FHIT: variants seen among roughly 807,000 people sequenced by gnomAD.
FHIT encodes the protein bis(5'-adenosyl)-triphosphatase.
A neutral mutation model predicts 17.9 loss-of-function variants in FHIT; 19 were observed. That is an observed-to-expected ratio of 1.06 (90% CI 0.74 to 1.56). FHIT has a LOEUF of 1.56. Among genes scored for constraint, FHIT ranks in the 40% most tolerant of loss-of-function variants. The pLI is 0.00. For synonymous variants in FHIT, 81 were observed against 69.7 expected (o/e 1.16, Z -0.81); for missense variants, 248 against 189.2 (o/e 1.31, Z -1.82).
At chr3:60,128,002 A>G (rs1382484622) in intron 5 of FHIT, among the ~76,000 whole-genome samples, 4 of 152,212 alleles carry the variant, frequency 2.6e-5, no homozygotes, top group Non-Finnish European at 5.9e-5. Flanking sequence ...TATTCAAGTA[A>G]TATTAAGATT....
At chr3:61,112,895 G>T (rs1457394001) in intron 2 of FHIT, among the ~76,000 whole-genome samples, 1 of 152,102 alleles carries the variant, frequency 6.6e-6, no homozygotes, top group African/African-American at 2.4e-5. Context: ...TGCCTCCAAG[G>T]CTTCTAGTTG....
chr3:59,944,411 G>C (rs1158277065), intron 7 of FHIT, among the ~76,000 whole-genome samples: 1 of 152,100 alleles, frequency 6.6e-6, no homozygotes, highest in Non-Finnish European at 1.5e-5. Flanking sequence ...TCCATTACAA[G>C]ACTGGCAACC....
chr3:59,924,857 C>T (rs959636526), intron 7 of FHIT, among the ~76,000 whole-genome samples: 8 of 152,148 alleles, frequency 5.3e-5, no homozygotes, highest in African/African-American at 1.9e-4. Flanking sequence ...CTAACAAGCT[C>T]CCAGCTGATG....
chr3:60,814,184 A>T (rs1553736894), intron 4 of FHIT, among the ~76,000 whole-genome samples: 3 of 151,958 alleles, frequency 2.0e-5, no homozygotes. Context: ...AAATTCATTC[A>T]TCTGTTTTTA....
At chr3:60,441,233 C>T (rs1001859111) in intron 5 of FHIT, among the ~76,000 whole-genome samples, 5 of 152,074 alleles carry the variant, frequency 3.3e-5, no homozygotes, top group African/African-American at 1.2e-4. Context: ...ATGAGCTATA[C>T]CTTTGCCCTC....
intron 8 of FHIT, among the ~76,000 whole-genome samples, chr3:59,784,679 T>C (rs1702757411): frequency 6.6e-6 from 1 of 152,168 alleles, no homozygotes; most frequent in Non-Finnish European, 1.5e-5. Flanking sequence ...CCTTGTGCTC[T>C]CTCCTAGAGA....
intron 1 of FHIT, among the ~76,000 whole-genome samples, chr3:61,250,671 T>A (rs2040600362): frequency 6.6e-6 from 1 of 150,892 alleles, no homozygotes; most frequent in Non-Finnish European, 1.5e-5. Context: ...CCAACTTGGA[T>A]ATACCTTTAA....
chr3:59,946,088 C>T (rs1218695984), intron 7 of FHIT, among the ~76,000 whole-genome samples: 4 of 152,118 alleles, frequency 2.6e-5, no homozygotes, highest in African/African-American at 9.7e-5. Flanking sequence ...TTGATAGGAA[C>T]AGGACAGAAT....
At chr3:60,545,094 CTAAAGATT>C (rs763466084) in intron 4 of FHIT, among the ~76,000 whole-genome samples, 7 of 16,220 alleles carry the variant, frequency 4.3e-4, no homozygotes, top group Admixed American at 3.5e-3. Flanking sequence ...TTCTGATTTA[CTAAAGATT>C]TTTTTTTTCT....
intron 7 of FHIT, among the ~76,000 whole-genome samples, chr3:59,969,713 T>C (rs1015163976): frequency 6.6e-6 from 1 of 152,134 alleles, no homozygotes; most frequent in Non-Finnish European, 1.5e-5. Context: ...TGGGCACAAA[T>C]TCATGGTGCC....
intron 3 of FHIT, among the ~76,000 whole-genome samples, chr3:60,913,068 T>C (rs1173485001): frequency 6.6e-6 from 1 of 152,180 alleles, no homozygotes; most frequent in Non-Finnish European, 1.5e-5. Context: ...GGTGAAAGCA[T>C]TGCCATGATT....
intron 3 of FHIT, among the ~76,000 whole-genome samples, chr3:60,834,881 GA>G (rs71092645): frequency 4.7e-3 from 443 of 94,464 alleles, no homozygotes; most frequent in East Asian, 0.021. Context: ...GAAAAGAAAA[GA>G]AAAAAAAAAA....
chr3:60,072,648 G>C (rs1702828446), intron 5 of FHIT, among the ~76,000 whole-genome samples: 1 of 151,912 alleles, frequency 6.6e-6, no homozygotes, highest in African/African-American at 2.4e-5. Context: ...GACTTGCCCA[G>C]CATCACTGAG....
At chr3:60,516,064 G>A (rs943755607) in intron 5 of FHIT, among the ~76,000 whole-genome samples, 5 of 152,100 alleles carry the variant, frequency 3.3e-5, no homozygotes, top group African/African-American at 1.2e-4. Context: ...ACAAAGGAGT[G>A]GGGAAACATA....
At chr3:60,794,776 C>T (rs1553729720) in intron 4 of FHIT, among the ~76,000 whole-genome samples, 2 of 152,154 alleles carry the variant, frequency 1.3e-5, no homozygotes, top group African/African-American at 4.8e-5. Context: ...TCTGTGCTGT[C>T]TCTCTCAGAC....
At chr3:61,208,916 G>A (rs1284084086) in intron 1 of FHIT, among the ~76,000 whole-genome samples, 2 of 151,974 alleles carry the variant, frequency 1.3e-5, no homozygotes, top group African/African-American at 4.8e-5. Flanking sequence ...TAGCCTTGAT[G>A]GTCTTTAAAA....
chr3:59,904,788 C>T (rs1704509267), intron 8 of FHIT, among the ~76,000 whole-genome samples: 1 of 152,156 alleles, frequency 6.6e-6, no homozygotes, highest in African/African-American at 2.4e-5. Context: ...ATTTGGTCTC[C>T]CTACCTGAAG....
At position 60,903,287 on chromosome 3, in the gene FHIT, T is replaced by C. The variant is rs1325085256; in HGVS notation, c.-110-81276A>G. 2.6e-5 allele frequency among the ~76,000 whole-genome samples: 4 copies of C among 152,344 alleles called. No individual in the cohort carries two copies. In the South Asian group the frequency reaches 6.2e-4, roughly 24 times the overall value. On this transcript the variant is annotated intron_variant, in intron 3 of 9. Transcript: ENST00000492590. ...TGAACAATAATTGTAACTAGAGGTA[T>C]TTCTTGAGTATATTCTTGTGTTAGG... is the stretch of plus-strand genomic sequence containing the variant.
intron 8 of FHIT, among the ~76,000 whole-genome samples, chr3:59,865,981 G>A (rs931782828): frequency 1.3e-5 from 2 of 152,170 alleles, no homozygotes; most frequent in African/African-American, 4.8e-5. Context: ...ACAGTTTTAT[G>A]AAAGATGGCA....
Sources: allele counts gnomAD v4.1 joint callset (sites outside exome capture counted in the v4.1 genomes callset), GRCh38; gene constraint gnomAD v4.1.1; transcripts MANE v1.5; gene names NCBI Gene and HGNC (gene_info 2026-07-23, HGNC 2026-07-21).